ARVCF: variants seen among roughly 807,000 people sequenced by gnomAD.
ARVCF encodes ARVCF delta catenin family member.
A neutral mutation model predicts 90.9 loss-of-function variants in ARVCF; 66 were observed. The observed-to-expected ratio is 0.73, with a 90% CI of 0.60 to 0.89. The LOEUF (loss-of-function observed/expected upper bound fraction) is 0.89. Ranked by LOEUF, ARVCF falls within the 40% of genes least tolerant of loss-of-function variation. The pLI, the probability that ARVCF is intolerant of heterozygous loss-of-function variation, is 0.00. For synonymous variants in ARVCF, 653 were observed against 603.4 expected (o/e 1.08, Z -1.21); for missense variants, 1,469 against 1,382.3 (o/e 1.06, Z -1.00).
At chr22:19,973,898 A>T in intron 12 of ARVCF, 105 bp from the exon 13 acceptor site, 1 of 1,507,236 alleles carries the variant, frequency 6.6e-7, no homozygotes, top group South Asian at 1.3e-5. Context: ...CCCGTGCCCG[A>T]CAAAGCCCTA....
chr22:19,990,465 C>T (rs1943982976), intron 3 of ARVCF, 120 bp downstream of exon 3: 1 of 1,281,440 alleles, frequency 7.8e-7, no homozygotes, highest in African/African-American at 1.5e-5. Flanking sequence ...TCCTTTCCTC[C>T]CCAGGAGCCC....
downstream of ARVCF, among the ~76,000 whole-genome samples, chr22:19,968,375 T>C (rs1601546079): frequency 6.6e-6 from 1 of 152,172 alleles, no homozygotes; most frequent in Non-Finnish European, 1.5e-5. Context: ...TGTACAGTCC[T>C]TTCCTGCAGG....
intron 2 of ARVCF, among the ~76,000 whole-genome samples, chr22:20,003,978 C>T (rs986291028): frequency 6.6e-6 from 1 of 152,058 alleles, no homozygotes; most frequent in South Asian, 2.1e-4. Flanking sequence ...ATTCTACATG[C>T]ATTTTTTAAA....
In ARVCF at chr22:19,973,730, G is replaced by T. The variant is rs1436878991; in HGVS notation, c.2152C>A (p.Leu718Met). The change falls in exon 13 of 20, where the codon CTG becomes ATG. Residue 718 changes from leucine (L) to methionine (M), a missense_variant. Physicochemically the swap from Leu to Met is conservative, Grantham distance 15. Transcript: ENST00000263207. ...ERGLPVLVEL[L>M]QSETDKVVRA... ...ACCACCTTGTCGGTCTCAGACTGCA[G>T]CAGTTCCACAAGCACCGGCAGCCCG... 2 of 1,609,564 alleles carry T rather than the reference G, an allele frequency of 1.2e-6. No individual in the cohort carries two copies. Among genetic ancestry groups the T allele is most frequent in the Non-Finnish European group, 8.5e-7 (1 of 1,179,920 alleles).
At chr22:20,006,700 C>T (rs1332597187) in intron 2 of ARVCF, among the ~76,000 whole-genome samples, 2 of 151,254 alleles carry the variant, frequency 1.3e-5, no homozygotes, top group Non-Finnish European at 2.9e-5. Flanking sequence ...GGCGCGATCT[C>T]GGCTCACTGC....
At chr22:19,992,776 A>C (rs953189479) in intron 2 of ARVCF, among the ~76,000 whole-genome samples, 10 of 152,242 alleles carry the variant, frequency 6.6e-5, no homozygotes, top group Admixed American at 2.0e-4. Context: ...TCTACACCAC[A>C]CACCCCATCC....
At chr22:19,975,644 A>C in intron 11 of ARVCF, 42 bp downstream of exon 11, 1 of 1,609,694 alleles carries the variant, frequency 6.2e-7, no homozygotes, top group Non-Finnish European at 8.5e-7. Flanking sequence ...TCCTGAGCCC[A>C]GACATCCCCC....
rs1474992867 is a variant in ARVCF at position 19,978,125 on chromosome 22, T to G, written c.1581-50A>C. 3 of 1,528,714 alleles carry G rather than the reference T, an allele frequency of 2.0e-6. No individual in the cohort carries two copies. In the Admixed American group the frequency reaches 5.7e-5, roughly 29 times the overall value. The allele number at this position is 1,528,714 out of a possible 1,614,324, so 94.7% of individuals were successfully genotyped here. The stretch of plus-strand genomic sequence containing the variant: ...TGACCCCTGGCTACCAGAAACTCCC[T>G]GGCTCCACCCTGGCCTTGTGGGCTT... On this transcript the variant is annotated intron_variant, in intron 7 of 19. Transcript: ENST00000263207.
At chr22:19,984,902 G>A (rs1420680179) in intron 3 of ARVCF, among the ~76,000 whole-genome samples, 1 of 152,234 alleles carries the variant, frequency 6.6e-6, no homozygotes, top group African/African-American at 2.4e-5. Flanking sequence ...AGAGTAGTGA[G>A]AGGCCCATAG....
At chr22:19,967,980 C>T (rs936676687), downstream of ARVCF, among the ~76,000 whole-genome samples, 2 of 152,256 alleles carry the variant, frequency 1.3e-5, no homozygotes, top group African/African-American at 4.8e-5. Flanking sequence ...TGTGTCCTCC[C>T]AGGGCCCAGG....
At chr22:19,966,905 A>G (rs1942430462), downstream of ARVCF, 3 of 979,250 alleles carry the variant, frequency 3.1e-6, no homozygotes, top group Non-Finnish European at 3.6e-6. Context: ...GCATAGTGTC[A>G]CCTGCTCCTC....
chr22:19,971,235 C>T lies in ARVCF; in HGVS notation c.2882G>A (p.Trp961Ter). ...GDAKPQPVDSWV is the reference protein window; with the variant it reads ...GDAKPQPVDS ...ACGTACCAGGCATGCAAGCTAGACC[C>T]AGGAATCAACGGGCTGAGGCTTAGC... The change falls in exon 19 of 20, where the codon TGG becomes TAG. Residue 961 changes from tryptophan (W) to a stop codon, truncating the protein, a stop_gained. Coordinates refer to ENST00000263207, the MANE Select transcript of ARVCF (RefSeq NM_001670.3). LOFTEE classifies it high-confidence loss of function. 6.4e-7 allele frequency: 1 copy of T among 1,554,450 alleles called. No homozygotes were observed. The highest frequency in any genetic ancestry group is 8.7e-7 in the Non-Finnish European group (1 of 1,148,180).
intron 3 of ARVCF, chr22:19,987,151 C>A (rs999433488): frequency 6.5e-6 from 3 of 464,694 alleles, no homozygotes; most frequent in East Asian, 7.1e-5. Context: ...CTGGACCAGG[C>A]TCGGCTCCGG....
intron 3 of ARVCF, among the ~76,000 whole-genome samples, chr22:19,989,841 G>C (rs1451677806): frequency 1.3e-5 from 2 of 152,158 alleles, no homozygotes; most frequent in Non-Finnish European, 2.9e-5. Flanking sequence ...CCCCGTGGCT[G>C]CTGGGACAGC....
At chr22:19,968,455 G>A, downstream of ARVCF, 1 of 1,397,082 alleles carries the variant, frequency 7.2e-7, no homozygotes, top group Non-Finnish European at 1.0e-6. Context: ...GTGGCCTAGT[G>A]AGGAGCACCC....
In ARVCF at chr22:19,970,285, G is replaced by A. The variant is rs752336756; in HGVS notation, c.*471C>T. ...ACACCGTGGTCTGCCTGCCTGCAGGGTGCCCAGGGAGACCCTCCGCCTTTA... is the reference window on the plus strand; with the variant it reads ...ACACCGTGGTCTGCCTGCCTGCAGGATGCCCAGGGAGACCCTCCGCCTTTA... On this transcript the variant is annotated 3_prime_UTR_variant, in exon 20 of 20. Coordinates refer to ENST00000263207, the MANE Select transcript of ARVCF (RefSeq NM_001670.3). 3.5e-5 allele frequency: 35 copies of A among 994,478 alleles called. No homozygotes were observed. Among genetic ancestry groups the A allele is most frequent in the Non-Finnish European group, 4.2e-5 (35 of 835,022 alleles). 61.6% of individuals were successfully genotyped at this position (994,478 alleles called of 1,614,324 possible). A position where few individuals can be genotyped will look rare whatever the true frequency, so the allele number is the denominator to read the frequency against.
At chr22:19,971,727 A>T (rs557334233) in intron 18 of ARVCF, among the ~76,000 whole-genome samples, 159 bp downstream of exon 18, 1 of 152,290 alleles carries the variant, frequency 6.6e-6, no homozygotes, top group Non-Finnish European at 1.5e-5. Context: ...CAGTACCCAC[A>T]GACTGACTGG....
chr22:19,982,152 T>C, intron 3 of ARVCF, 61 bp from the exon 4 acceptor site: 2 of 1,584,272 alleles, frequency 1.3e-6, no homozygotes, highest in Non-Finnish European at 1.7e-6. Context: ...GGAGTGCAGG[T>C]CTCCACACAC....
intron 14 of ARVCF, 36 bp downstream of exon 14, chr22:19,973,082 CG>C: frequency 6.3e-7 from 1 of 1,599,604 alleles, no homozygotes; most frequent in Non-Finnish European, 8.5e-7. Flanking sequence ...CCCCCACCTC[CG>C]CGGCTCCCCA....
Sources: gnomAD v4.1 joint callset for allele counts (sites outside exome capture counted in the v4.1 genomes callset) on GRCh38, gnomAD v4.1.1 for gene constraint, MANE v1.5 for transcripts, NCBI Gene and HGNC (gene_info 2026-07-23, HGNC 2026-07-21) for gene names.